The following SIK2 variants were observed in gnomAD, a reference collection of about 807,000 sequenced individuals.
The protein encoded by SIK2 is serine/threonine-protein kinase SIK2.
SIK2 carries 29 observed loss-of-function variants against 103.2 expected under a neutral mutation model. The ratio of observed to expected loss-of-function variants is 0.28; its 90% CI spans 0.21 to 0.38. The LOEUF (loss-of-function observed/expected upper bound fraction) is 0.38. Ranked by LOEUF, SIK2 falls within the 10% of genes least tolerant of loss-of-function variation. The probability of loss-of-function intolerance (pLI) is 1.00; values close to 1 mark genes in which losing one functional copy is unlikely to be tolerated. For missense variants in SIK2, 879 were observed against 1,171.0 expected (o/e 0.75, Z 3.64); for synonymous variants, 412 against 446.1 (o/e 0.92, Z 0.96).
intron 3 of SIK2, among the ~76,000 whole-genome samples, chr11:111,643,761 C>T (rs1308255466): frequency 6.7e-6 from 1 of 148,836 alleles, no homozygotes; most frequent in Admixed American, 6.7e-5. Flanking sequence ...TGCAGTGAGC[C>T]AAGATCACAC....
At chr11:111,659,892 G>C (rs1400330499) in intron 3 of SIK2, among the ~76,000 whole-genome samples, 1 of 152,214 alleles carries the variant, frequency 6.6e-6, no homozygotes, top group Non-Finnish European at 1.5e-5. Flanking sequence ...CCGTGTCAAG[G>C]AGACACAGGT....
intron 3 of SIK2, chr11:111,683,351 A>T (rs1435076302): frequency 6.6e-6 from 1 of 152,264 alleles, no homozygotes; most frequent in Non-Finnish European, 1.5e-5. Context: ...AGCTCTCAAG[A>T]ATACACACAT....
At position 111,628,087 on chromosome 11, in the gene SIK2, C is replaced by CA. The variant is rs149818767; in HGVS notation, c.316+7686dup. On this transcript the variant is annotated intron_variant, in intron 3 of 14. Transcript: ENST00000304987. ...CTCATTGGATAAAATCCAAACTCCT[C>CA]AGTTTGCAAATAGGGTAGCTGCCCT... Among the ~76,000 whole-genome samples the CA allele has an allele frequency of 8.0e-3, 1,220 of 152,294 alleles. 28 individuals are homozygous for CA. Among genetic ancestry groups the CA allele is most frequent in the African/African-American group, 0.027 (1,140 of 41,566 alleles).
At position 111,602,524 on chromosome 11, in the gene SIK2, C is replaced by T. The variant is rs1475526085; in HGVS notation, c.-40C>T. The T allele has an allele frequency of 2.8e-6, 4 of 1,441,246 alleles. No individual in the cohort carries two copies. The Admixed American group carries it at 1.1e-4, about 39-fold the overall frequency. The allele number at this position is 1,441,246 out of a possible 1,614,324, so 89.3% of individuals were successfully genotyped here. A position where few individuals can be genotyped will look rare whatever the true frequency, so the allele number is the denominator to read the frequency against. ...GCCGCGCTGCCAACCCTCCCGCCCG[C>T]CCGCGCTCCTGTCCGCCGTGTCTAG... is the stretch of plus-strand genomic sequence containing the variant. On this transcript the variant is annotated 5_prime_UTR_variant, in exon 1 of 15. Transcript: ENST00000304987. This position sits in a 1 kb window ranked among gnomAD's most constrained non-coding sequence, Gnocchi z 4.5.
chr11:111,650,306 T>G (rs76174490), intron 3 of SIK2, among the ~76,000 whole-genome samples: 3,641 of 152,182 alleles, frequency 0.024, 91 homozygotes, highest in African/African-American at 0.062. Flanking sequence ...TTTTTCATAG[T>G]AAAACATAAA....
At chr11:111,709,002 T>C (rs547951061) in intron 8 of SIK2, among the ~76,000 whole-genome samples, 5 of 152,336 alleles carry the variant, frequency 3.3e-5, no homozygotes, top group African/African-American at 1.2e-4. Flanking sequence ...CTTTAATTAC[T>C]GTTTAGAGGT....
chr11:111,715,342 A>T (rs1358041944), intron 9 of SIK2, among the ~76,000 whole-genome samples: 1 of 152,198 alleles, frequency 6.6e-6, no homozygotes, highest in East Asian at 1.9e-4. Context: ...TCAGAGACAC[A>T]GTTCCCTTTT....
chr11:111,663,712 C>T (rs141986084), intron 3 of SIK2, among the ~76,000 whole-genome samples: 69 of 152,218 alleles, frequency 4.5e-4, no homozygotes, highest in Middle Eastern at 3.4e-3. Context: ...GTGTCTTGGC[C>T]TTAGGTGGTC....
At chr11:111,639,411 T>C (rs962283005) in intron 3 of SIK2, among the ~76,000 whole-genome samples, 4 of 152,240 alleles carry the variant, frequency 2.6e-5, no homozygotes, top group Non-Finnish European at 5.9e-5. Flanking sequence ...GGGATGCCTG[T>C]GCCTGCTCAG....
intron 3 of SIK2, among the ~76,000 whole-genome samples, chr11:111,640,111 CCATTGGGCATGAAACA>C (rs1942161089): frequency 6.6e-6 from 1 of 152,184 alleles, no homozygotes. Flanking sequence ...CAATACTTCA[CCATTGGGCATGAAACA>C]CTTTGGGCAT....
At chr11:111,717,132 G>A (rs575339569) in intron 9 of SIK2, among the ~76,000 whole-genome samples, 1 of 151,784 alleles carries the variant, frequency 6.6e-6, no homozygotes, top group Non-Finnish European at 1.5e-5. Context: ...GGCTAACATG[G>A]TGAAACCCCA....
In SIK2 at chr11:111,725,312, G is replaced by C. The variant is rs983227232; in HGVS notation, c.*1183G>C. 1 of 152,568 alleles carries C rather than the reference G, an allele frequency of 6.6e-6. No homozygotes were observed. Among genetic ancestry groups the C allele is most frequent in the Non-Finnish European group, 1.5e-5 (1 of 68,034 alleles). The allele number at this position is 152,568 out of a possible 1,614,324, so 9.5% of individuals were successfully genotyped here. ...GCATTCTTAATTTCGTTAAAGTTTT[G>C]ACTTGTAATGAAATGTTCAAGTATT... On this transcript the variant is annotated 3_prime_UTR_variant, in exon 15 of 15. Coordinates refer to ENST00000304987, the MANE Select transcript of SIK2 (RefSeq NM_015191.3).
intron 8 of SIK2, among the ~76,000 whole-genome samples, chr11:111,710,327 A>G (rs1045974513): frequency 6.6e-6 from 1 of 152,190 alleles, no homozygotes; most frequent in Non-Finnish European, 1.5e-5. Flanking sequence ...AATGGTATGC[A>G]GTTGTTTACT....
At chr11:111,723,389 A>G in intron 14 of SIK2, 107 bp from the exon 15 acceptor site, 1 of 1,246,170 alleles carries the variant, frequency 8.0e-7, no homozygotes, top group South Asian at 1.5e-5. Flanking sequence ...CTGACATGAG[A>G]GAGACTTAAG....
Position 111,728,509 on chromosome 11 carries a change from G to C in SIK2, c.*4380G>C, listed in dbSNP as rs952488867. On this transcript the variant is annotated 3_prime_UTR_variant, in exon 15 of 15. Coordinates refer to ENST00000304987, the MANE Select transcript of SIK2 (RefSeq NM_015191.3). ...TCACCATGTTGTCCAGGCTGATCTT[G>C]AACTCCTGACCTCAGGTGACCCACC... is the stretch of plus-strand genomic sequence containing the variant. The C allele has an allele frequency of 1.3e-5, 2 of 152,154 alleles. No individual in the cohort carries two copies. Among genetic ancestry groups the C allele is most frequent in the African/African-American group, 4.8e-5 (2 of 41,404 alleles). 9.4% of individuals were successfully genotyped at this position (152,154 alleles called of 1,614,324 possible). A position where few individuals can be genotyped will look rare whatever the true frequency, so the allele number is the denominator to read the frequency against.
chr11:111,602,636 A>C lies in SIK2; in HGVS notation c.73A>C (p.Thr25Pro). The change falls in exon 1 of 15, where the codon ACG (threonine) becomes CCG (proline). Residue 25 changes from threonine to proline, a missense_variant. This residue lies in a region of SIK2 where 47 missense variants were observed against 43.9 expected (regional missense o/e 1.07). Transcript: ENST00000304987. The surrounding 1 kb of genome is among the most constrained non-coding windows in gnomAD (Gnocchi z 4.5). ...GGTGGGGTTCTACGACATCGAGGGC[A>C]CGCTGGGCAAGGGCAACTTCGCTGT... ...VRVGFYDIEG[T>P]LGKGNFAVVK... 4.6e-6 allele frequency: 7 copies of C among 1,533,600 alleles called. No homozygotes were observed. Among genetic ancestry groups the C allele is most frequent in the Non-Finnish European group, 6.1e-6 (7 of 1,139,350 alleles). 95.0% of individuals were successfully genotyped at this position (1,533,600 alleles called of 1,614,324 possible). A position where few individuals can be genotyped will look rare whatever the true frequency, so the allele number is the denominator to read the frequency against.
At chr11:111,656,818 G>A (rs1942397842) in intron 3 of SIK2, among the ~76,000 whole-genome samples, 1 of 152,076 alleles carries the variant, frequency 6.6e-6, no homozygotes, top group Non-Finnish European at 1.5e-5. Flanking sequence ...TCTTTTCTCA[G>A]ACCCATTTTA....
chr11:111,690,266 GTCTT>G, intron 4 of SIK2, among the ~76,000 whole-genome samples: 1 of 141,546 alleles, frequency 7.1e-6, no homozygotes, highest in African/African-American at 2.7e-5. Context: ...TTCAGAGAAG[GTCTT>G]TCTTTTTTTT....
In SIK2 at chr11:111,722,772, T is replaced by G; in HGVS notation, c.2147+16T>G. On this transcript the variant is annotated intron_variant, in intron 14 of 14. Transcript: ENST00000304987. This position sits in a 1 kb window ranked among gnomAD's most constrained non-coding sequence, Gnocchi z 4.4. Reference sequence around the variant, plus strand: ...AGGAACATAGGTGAGAAGGGGACTTTGGCCAAAGAAGTTGCTTCCTTTTCT... The same window carrying G: ...AGGAACATAGGTGAGAAGGGGACTTGGGCCAAAGAAGTTGCTTCCTTTTCT... 6.2e-7 allele frequency: 1 copy of G among 1,609,874 alleles called. No individual in the cohort carries two copies. Among genetic ancestry groups the G allele is most frequent in the South Asian group, 1.1e-5 (1 of 90,178 alleles).
Sources: allele counts gnomAD v4.1 joint callset (sites outside exome capture counted in the v4.1 genomes callset), GRCh38; gene constraint gnomAD v4.1.1; regional missense constraint gnomAD v4.1.1; non-coding constraint Gnocchi (gnomAD v3.1); transcripts MANE v1.5; gene names NCBI Gene and HGNC (gene_info 2026-07-23, HGNC 2026-07-21).